Variants in PIK3R2 observed in about 807,000 individuals in gnomAD.
PIK3R2 encodes phosphoinositide-3-kinase regulatory subunit 2.
PIK3R2 carries 40 observed loss-of-function variants against 78.5 expected under a neutral mutation model. That is an observed-to-expected ratio of 0.51 (90% CI 0.40 to 0.66). PIK3R2 has a LOEUF of 0.66. Ranked by LOEUF, PIK3R2 falls within the 30% of genes least tolerant of loss-of-function variation. The pLI is 0.00. For missense variants in PIK3R2, 880 were observed against 1,026.6 expected (o/e 0.86, Z 1.95); for synonymous variants, 473 against 457.7 (o/e 1.03, Z -0.43).
In PIK3R2 at chr19:18,162,986, C is replaced by T. The variant is rs1430127974; in HGVS notation, c.1129C>T (p.Leu377=). 1 of 1,610,542 alleles carries T rather than the reference C, an allele frequency of 6.2e-7. No homozygotes were observed. Among genetic ancestry groups the T allele is most frequent in the South Asian group, 1.1e-5 (1 of 90,790 alleles). ...LTLRKGGNNK[L]IKVFHRDGHY... Reference sequence around the variant, plus strand: ...CCCCAGGAAAGGCGGGAACAATAAGCTGATCAAGGTCTTCCACCGAGATGG... The same window carrying T: ...CCCCAGGAAAGGCGGGAACAATAAGTTGATCAAGGTCTTCCACCGAGATGG... The change falls in exon 10 of 16, where the codon CTG becomes TTG. Residue 377 remains leucine, a synonymous_variant. Transcript: ENST00000222254.
At chr19:18,163,182 C>T (rs968635372) in intron 10 of PIK3R2, 35 bp downstream of exon 10, 5 of 1,613,564 alleles carry the variant, frequency 3.1e-6, no homozygotes, top group Non-Finnish European at 4.2e-6. Context: ...GAGGGTAGCA[C>T]CTGGCTGGCC....
At position 18,156,622 on chromosome 19, in the gene PIK3R2, G is replaced by C. The variant is rs1033639342; in HGVS notation, c.322+421G>C. ...GGATTGATTTTGAGGACAATGGAGA[G>C]TGTTCAGTAGGATTCAGAGGCTCAG... is the stretch of plus-strand genomic sequence containing the variant. On this transcript the variant is annotated intron_variant, in intron 2 of 15. Coordinates refer to ENST00000222254, the MANE Select transcript of PIK3R2 (RefSeq NM_005027.4). This position sits in a 1 kb window ranked among gnomAD's most constrained non-coding sequence, Gnocchi z 4.2. Among the ~76,000 whole-genome samples the C allele has an allele frequency of 1.1e-4, 17 of 152,168 alleles. No homozygotes were observed. The highest frequency in any genetic ancestry group is 2.4e-4 in the Non-Finnish European group (16 of 68,032).
chr19:18,160,419 G>A, intron 2 of PIK3R2, 52 bp from the exon 3 acceptor site: 1 of 1,095,806 alleles, frequency 9.1e-7, no homozygotes, highest in African/African-American at 1.5e-5. Context: ...AGAGGGGCTG[G>A]GCTCCTTCCA....
chr19:18,169,062 C>T, intron 15 of PIK3R2, 25 bp from the exon 16 acceptor site: 1 of 1,598,650 alleles, frequency 6.3e-7, no homozygotes, highest in Non-Finnish European at 8.5e-7. Flanking sequence ...AGCCTTCCGA[C>T]TCCCCCTCTC....
chr19:18,164,724 C>T (rs1406668421), intron 11 of PIK3R2, among the ~76,000 whole-genome samples: 1 of 149,364 alleles, frequency 6.7e-6, no homozygotes, highest in Non-Finnish European at 1.5e-5. Context: ...CAACCTCCGC[C>T]TCCCTGGTTC....
chr19:18,161,196 CG>C lies in PIK3R2; in HGVS notation c.598+14del. ...GCCGGGCCCTGCGGGGTGAGCCTGGCGGGTAGCCCGGGGGAAGGAGGGGGCT... is the reference window on the plus strand; with the variant it reads ...GCCGGGCCCTGCGGGGTGAGCCTGGCGGTAGCCCGGGGGAAGGAGGGGGCT... On this transcript the variant is annotated intron_variant, in intron 5 of 15. Coordinates refer to ENST00000222254, the MANE Select transcript of PIK3R2 (RefSeq NM_005027.4). This position sits in a 1 kb window ranked among gnomAD's most constrained non-coding sequence, Gnocchi z 5.3. The C allele has an allele frequency of 6.5e-7, 1 of 1,540,992 alleles. No homozygotes were observed. Among genetic ancestry groups the C allele is most frequent in the South Asian group, 1.2e-5 (1 of 83,490 alleles).
In PIK3R2 at chr19:18,168,772, G is replaced by A. The variant is rs2043835205; in HGVS notation, c.1855G>A (p.Glu619Lys). The change falls in exon 15 of 16, where the codon GAA becomes AAA. Residue 619 changes from glutamate to lysine, a missense_variant. Glu to Lys is a moderately conservative substitution (Grantham distance 56, BLOSUM62 1). Coordinates refer to ENST00000222254, the MANE Select transcript of PIK3R2 (RefSeq NM_005027.4). This position sits in a 1 kb window ranked among gnomAD's most constrained non-coding sequence, Gnocchi z 4.1. ...EDEDDLPHHEERTWYVGKINR... is the reference protein window; with the variant it reads ...EDEDDLPHHEKRTWYVGKINR... ...CGAGGACGATCTCCCGCACCACGAG[G>A]AACGCACTTGGTACGTGGGCAAGAT... 6 of 1,613,888 alleles carry A rather than the reference G, an allele frequency of 3.7e-6. No homozygotes were observed. The highest frequency in any genetic ancestry group is 5.1e-6 in the Non-Finnish European group (6 of 1,179,962).
At chr19:18,162,370 A>T (rs767966636) in intron 8 of PIK3R2, 38 bp from the exon 9 acceptor site, 2 of 1,602,300 alleles carry the variant, frequency 1.2e-6, no homozygotes, top group Non-Finnish European at 1.7e-6. Context: ...CGGGGTCTCC[A>T]GGTGGCTCGG....
intron 2 of PIK3R2, among the ~76,000 whole-genome samples, chr19:18,159,828 G>A (rs1161217545): frequency 6.6e-6 from 1 of 152,148 alleles, no homozygotes. Flanking sequence ...TGCAACCTCC[G>A]CCTCCCGGGT....
At chr19:18,162,655 T>G in intron 9 of PIK3R2, 149 bp downstream of exon 9, 1 of 674,190 alleles carries the variant, frequency 1.5e-6, no homozygotes, top group South Asian at 1.8e-5. Flanking sequence ...AGGCTGAGGC[T>G]GGCAGAACAC....
rs1209245712 is a variant in PIK3R2, at chr19:18,155,465, C to T, written c.-415C>T. On this transcript the variant is annotated 5_prime_UTR_variant, in exon 2 of 16. Coordinates refer to ENST00000222254, the MANE Select transcript of PIK3R2 (RefSeq NM_005027.4). The stretch of plus-strand genomic sequence containing the variant: ...TATCCCTGTCTCCCTAGGTCGGCGT[C>T]CTCAGCTGGCCGAGCATGGTGGCAG... 1 of 409,166 alleles carries T rather than the reference C, an allele frequency of 2.4e-6. No individual in the cohort carries two copies. Among genetic ancestry groups the T allele is most frequent in the Non-Finnish European group, 4.3e-6 (1 of 232,798 alleles). The allele number at this position is 409,166 out of a possible 1,614,324, so 25.3% of individuals were successfully genotyped here.
chr19:18,154,594 C>T lies in PIK3R2; in HGVS notation c.-423-863C>T, dbSNP rs1239641382. Among the ~76,000 whole-genome samples, 3 of 152,152 alleles carry T rather than the reference C, an allele frequency of 2.0e-5. No homozygotes were observed. In the South Asian group the frequency reaches 6.2e-4, roughly 32 times the overall value. ...CCCTCTATGGAGCTCCCAAAGCACC[C>T]GGAGTGGCCTCCATTGCGTCCTCCC... On this transcript the variant is annotated intron_variant, in intron 1 of 15. Transcript: ENST00000222254.
At chr19:18,158,509 AC>A (rs2043703612) in intron 2 of PIK3R2, among the ~76,000 whole-genome samples, 1 of 149,828 alleles carries the variant, frequency 6.7e-6, no homozygotes, top group Admixed American at 6.6e-5. Context: ...AACAACAACA[AC>A]AACAACAAAA....
Position 18,161,977 on chromosome 19 carries a change from G to A in PIK3R2, c.827G>A (p.Ser276Asn), listed in dbSNP as rs371208019. The A allele has an allele frequency of 4.0e-5, 65 of 1,613,940 alleles. No homozygotes were observed. The Middle Eastern group carries it at 6.6e-4, about 16-fold the overall frequency. Residue 276 changes from serine (S) to asparagine (N), a missense_variant, in exon 7 of 16, where the codon AGC becomes AAC. Ser to Asn is a conservative substitution (Grantham distance 46). Transcript: ENST00000222254. The surrounding 1 kb of genome is among the most constrained non-coding windows in gnomAD (Gnocchi z 5.3). ...PGGAPDGSEP[S>N]PDFPALLVEK... ...CCCTTCCCCCTAAGGAGTGAGCCCA[G>A]CCCTGACTTCCCGGCGCTGCTGGTG...
At chr19:18,157,767 G>C (rs1420569567) in intron 2 of PIK3R2, among the ~76,000 whole-genome samples, 1 of 138,816 alleles carries the variant, frequency 7.2e-6, no homozygotes, top group Non-Finnish European at 1.5e-5. Context: ...TTTCGTTGCA[G>C]CTGGGCCTTT....
chr19:18,162,460 C>G lies in PIK3R2; in HGVS notation c.1063C>G (p.Arg355Gly). 6.2e-7 allele frequency: 1 copy of G among 1,613,500 alleles called. No individual in the cohort carries two copies. The highest frequency in any genetic ancestry group is 8.5e-7 in the Non-Finnish European group (1 of 1,179,986). ...CACTCCCGATGGCACCTTCCTAGTC[C>G]GAGATGCTTCTAGCAAGATCCAGGG... is the stretch of plus-strand genomic sequence containing the variant. ...RDTPDGTFLV[R>G]DASSKIQGEY... The change falls in exon 9 of 16, where the codon CGA (arginine) becomes GGA (glycine). Residue 355 changes from arginine (R) to glycine (G), a missense_variant. Physicochemically the swap from Arg to Gly is moderately radical, Grantham distance 125. This residue lies in a region of PIK3R2 where 156 missense variants were observed against 241.0 expected (regional missense o/e 0.65). Transcript: ENST00000222254.
Position 18,160,922 on chromosome 19 carries a change from T to C in PIK3R2, c.419T>C (p.Leu140Pro). ...CGCCTGTCCCCTTCACCCCCAGGGC[T>C]GGACAGCGAATCTCACTACCGCCCG... ...KLVEAIERTGLDSESHYRPEL... is the reference protein window; with the variant it reads ...KLVEAIERTGPDSESHYRPEL... Residue 140 changes from leucine (L) to proline (P), a missense_variant, in exon 4 of 16, where the codon CTG becomes CCG. By Grantham distance (98) the Leu-to-Pro change is moderately conservative. Transcript: ENST00000222254. 1 of 1,609,274 alleles carries C rather than the reference T, an allele frequency of 6.2e-7. No individual in the cohort carries two copies. The highest frequency in any genetic ancestry group is 8.5e-7 in the Non-Finnish European group (1 of 1,178,346).
Position 18,161,233 on chromosome 19 carries a change from G to A in PIK3R2, c.599-46G>A, listed in dbSNP as rs1401969334. 1 of 1,511,244 alleles carries A rather than the reference G, an allele frequency of 6.6e-7. No individual in the cohort carries two copies. Among genetic ancestry groups the A allele is most frequent in the Non-Finnish European group, 8.8e-7 (1 of 1,133,338 alleles). 93.6% of individuals were successfully genotyped at this position (1,511,244 alleles called of 1,614,324 possible). A position where few individuals can be genotyped will look rare whatever the true frequency, so the allele number is the denominator to read the frequency against. ...GGGAAGGAGGGGGCTGTAGCGGGTG[G>A]GAGGGCCCAGGCCTGGCTCACCCTG... On this transcript the variant is annotated intron_variant, in intron 5 of 15. Coordinates refer to ENST00000222254, the MANE Select transcript of PIK3R2 (RefSeq NM_005027.4). This position sits in a 1 kb window ranked among gnomAD's most constrained non-coding sequence, Gnocchi z 5.3.
In PIK3R2 at chr19:18,168,769, G is replaced by A. The variant is rs1403656005; in HGVS notation, c.1852G>A (p.Glu618Lys). 1.9e-6 allele frequency: 3 copies of A among 1,607,624 alleles called. No individual in the cohort carries two copies. The highest frequency in any genetic ancestry group is 1.7e-4 in the Middle Eastern group (1 of 6,034). The stretch of plus-strand genomic sequence containing the variant: ...GGACGAGGACGATCTCCCGCACCAC[G>A]AGGAACGCACTTGGTACGTGGGCAA... ...MEDEDDLPHH[E>K]ERTWYVGKIN... is the part of the protein sequence containing the mutation. The change falls in exon 15 of 16, where the codon GAG becomes AAG. Residue 618 changes from glutamate (E) to lysine (K), a missense_variant. Physicochemically the swap from Glu to Lys is moderately conservative, Grantham distance 56. This residue lies in a region of PIK3R2 where 268 missense variants were observed against 299.1 expected (regional missense o/e 0.90). Transcript: ENST00000222254. The surrounding 1 kb of genome is among the most constrained non-coding windows in gnomAD (Gnocchi z 4.1).
Sources: allele counts gnomAD v4.1 joint callset (sites outside exome capture counted in the v4.1 genomes callset), GRCh38; gene constraint gnomAD v4.1.1; regional missense constraint gnomAD v4.1.1; non-coding constraint Gnocchi (gnomAD v3.1); transcripts MANE v1.5; gene names NCBI Gene and HGNC (gene_info 2026-07-23, HGNC 2026-07-21).